Variants in THTPA observed in about 807,000 individuals in gnomAD.
THTPA encodes thiamine triphosphatase, also known as thiamine-triphosphatase.
A neutral mutation model predicts 16.5 loss-of-function variants in THTPA; 16 were observed. The ratio of observed to expected loss-of-function variants is 0.97; its 90% confidence interval spans 0.66 to 1.47. The LOEUF (loss-of-function observed/expected upper bound fraction) is 1.47, where lower values mean the gene tolerates loss of function less well. Ranked by LOEUF, THTPA falls within the 40% of genes most tolerant of loss-of-function variation. The pLI is 0.00. For missense variants in THTPA, 281 were observed against 280.9 expected (o/e 1.00, Z 0.00); for synonymous variants, 110 against 115.5 (o/e 0.95, Z 0.30).
intron 1 of THTPA, 23 bp from the exon 2 acceptor site, chr14:23,558,669 TCTC>T (rs772379575): frequency 4.3e-6 from 7 of 1,613,854 alleles, no homozygotes; most frequent in African/African-American, 1.3e-5. Context: ...TGTCCATTTC[TCTC>T]CTCATTGTCC....
chr14:23,535,386 C>A, the THTPA span: 1 of 1,431,544 alleles, frequency 7.0e-7, no homozygotes, highest in Admixed American at 2.8e-5. The surrounding 1 kb of genome is among the most constrained non-coding windows in gnomAD (Gnocchi z 4.5). Context: ...TGTAGGGAGA[C>A]AAGGAGAGAG....
At chr14:23,525,520 G>A in the THTPA span, 2 of 1,535,704 alleles carry the variant, frequency 1.3e-6, no homozygotes, top group Non-Finnish European at 1.7e-6. The surrounding 1 kb of genome is among the most constrained non-coding windows in gnomAD (Gnocchi z 5.9). Context: ...CCCCACCCCC[G>A]AGGGCCTCAG....
the THTPA span, chr14:23,527,880 A>C: frequency 8.7e-7 from 1 of 1,146,992 alleles, no homozygotes; most frequent in Non-Finnish European, 1.2e-6. Flanking sequence ...CTTTGGATGC[A>C]GCACTGGCCC....
At chr14:23,520,553 C>G in the THTPA span, among the ~76,000 whole-genome samples, 2 of 152,194 alleles carry the variant, frequency 1.3e-5, no homozygotes, top group African/African-American at 4.8e-5. The surrounding 1 kb of genome is among the most constrained non-coding windows in gnomAD (Gnocchi z 8.7). Context: ...ACTTTTCTAA[C>G]TCATAGCTGG....
chr14:23,521,952 G>A, the THTPA span: 1 of 1,536,054 alleles, frequency 6.5e-7, no homozygotes, highest in Non-Finnish European at 8.7e-7. Context: ...CCCCATCTTG[G>A]TTAATCTGTT....
chr14:23,531,260 A>G, the THTPA span: 1 of 537,926 alleles, frequency 1.9e-6, no homozygotes. Flanking sequence ...TCATCCACCC[A>G]GCAAAGCCCC....
At chr14:23,538,825 A>G in the THTPA span, among the ~76,000 whole-genome samples, 1 of 151,828 alleles carries the variant, frequency 6.6e-6, no homozygotes, top group Non-Finnish European at 1.5e-5. Flanking sequence ...TGTGAAGGAG[A>G]GGGGTTAGGG....
At chr14:23,530,097 G>C in the THTPA span, 1 of 1,529,988 alleles carries the variant, frequency 6.5e-7, no homozygotes, top group African/African-American at 1.4e-5. Flanking sequence ...AGGAGGACTG[G>C]GGGGAAGGGA....
chr14:23,547,223 C>T, the THTPA span, among the ~76,000 whole-genome samples: 3 of 152,362 alleles, frequency 2.0e-5, no homozygotes, highest in Admixed American at 1.3e-4. Flanking sequence ...GCAGCAGTAA[C>T]TTCTCCCTCC....
In THTPA at chr14:23,559,478, G is replaced by T. The variant is rs1883020278; in HGVS notation, c.*638G>T. On this transcript the variant is annotated 3_prime_UTR_variant, in exon 2 of 2. Coordinates refer to ENST00000288014, the MANE Select transcript of THTPA (RefSeq NM_024328.6). The stretch of plus-strand genomic sequence containing the variant: ...CCCCGTGTTGAGACAGGTTCTCAAG[G>T]CTCAGGGGAAGATGCATACCTCCTA... 1 of 426,888 alleles carries T rather than the reference G, an allele frequency of 2.3e-6. No homozygotes were observed. 26.4% of individuals were successfully genotyped at this position (426,888 alleles called of 1,614,324 possible). A position where few individuals can be genotyped will look rare whatever the true frequency, so the allele number is the denominator to read the frequency against.
At chr14:23,552,882 G>C (rs1174849980), upstream of THTPA, among the ~76,000 whole-genome samples, 1 of 152,164 alleles carries the variant, frequency 6.6e-6, no homozygotes, top group African/African-American at 2.4e-5. Context: ...GATTATAGGG[G>C]TGATCCACCT....
At chr14:23,557,405 ATT>A in intron 1 of THTPA, 101 bp downstream of exon 1, 2 of 1,209,438 alleles carry the variant, frequency 1.7e-6, no homozygotes, top group Non-Finnish European at 2.2e-6. Context: ...CGGATTAAAA[ATT>A]TTTTTTTTAA....
At chr14:23,526,828 T>C in the THTPA span, 1 of 1,524,844 alleles carries the variant, frequency 6.6e-7, no homozygotes, top group East Asian at 2.4e-5. Context: ...CTTGGGAGGT[T>C]TGCTGTTCCA....
the THTPA span, chr14:23,531,513 A>G: frequency 1.4e-6 from 2 of 1,469,398 alleles, no homozygotes; most frequent in Non-Finnish European, 9.0e-7. Context: ...GCTGAAGCTC[A>G]GGATGCTCTG....
chr14:23,534,052 T>G, the THTPA span: 2 of 1,532,636 alleles, frequency 1.3e-6, no homozygotes, highest in East Asian at 4.9e-5. This position sits in a 1 kb window ranked among gnomAD's most constrained non-coding sequence, Gnocchi z 4.5. Flanking sequence ...GGCTGGGGTG[T>G]AGTCATCAGC....
chr14:23,522,682 C>T, the THTPA span: 2 of 1,536,552 alleles, frequency 1.3e-6, no homozygotes, highest in East Asian at 4.9e-5. Context: ...CAGTGGTCTT[C>T]AATGCTTTGA....
At chr14:23,530,020 G>A in the THTPA span, 5 of 1,227,234 alleles carry the variant, frequency 4.1e-6, no homozygotes, top group South Asian at 2.6e-5. Flanking sequence ...AATCAGTTTT[G>A]CTCCTTGAGC....
chr14:23,542,624 CCTT>C, the THTPA span, among the ~76,000 whole-genome samples: 1 of 152,174 alleles, frequency 6.6e-6, no homozygotes, highest in Non-Finnish European at 1.5e-5. Flanking sequence ...AGCTCGGAAC[CCTT>C]CTTCTGTATG....
the THTPA span, among the ~76,000 whole-genome samples, chr14:23,517,016 A>G: frequency 6.6e-6 from 1 of 152,058 alleles, no homozygotes; most frequent in Non-Finnish European, 1.5e-5. Context: ...CTCTTCTTGG[A>G]CAGGTTCAGC....
Sources: gnomAD v4.1 joint callset for allele counts (sites outside exome capture counted in the v4.1 genomes callset) on GRCh38, gnomAD v4.1.1 for gene constraint, Gnocchi (gnomAD v3.1) non-coding constraint, MANE v1.5 for transcripts, NCBI Gene and HGNC (gene_info 2026-07-23, HGNC 2026-07-21) for gene names.